SP4: variants seen among roughly 807,000 people sequenced by gnomAD.
SP4 encodes Sp4 transcription factor.
SP4 carries 19 observed loss-of-function variants against 72.8 expected under a neutral mutation model. The observed-to-expected ratio is 0.26, with a 90% CI of 0.18 to 0.38. The LOEUF is 0.38. Ranked by LOEUF, SP4 falls within the 10% of genes least tolerant of loss-of-function variation. SP4 has a pLI of 1.00. For synonymous variants in SP4, 395 were observed against 333.1 expected (o/e 1.19, Z -2.02); for missense variants, 1,008 against 926.3 (o/e 1.09, Z -1.14).
At chr7:21,489,212 T>G (rs1289821463) in intron 5 of SP4, among the ~76,000 whole-genome samples, 2 of 152,214 alleles carry the variant, frequency 1.3e-5, no homozygotes, top group Non-Finnish European at 2.9e-5. Flanking sequence ...TGAAACAGAT[T>G]CTGTAAAATT....
chr7:21,509,238 T>C (rs1782084423), intron 5 of SP4, among the ~76,000 whole-genome samples: 1 of 152,122 alleles, frequency 6.6e-6, no homozygotes, highest in Non-Finnish European at 1.5e-5. Flanking sequence ...AAGAAATAAA[T>C]TTTTATTCCT....
intron 3 of SP4, among the ~76,000 whole-genome samples, chr7:21,431,718 TG>T (rs1782861372): frequency 6.6e-6 from 1 of 152,248 alleles, no homozygotes; most frequent in African/African-American, 2.4e-5. Context: ...TAATAACTTT[TG>T]TTTTCTAGTA....
intron 3 of SP4, among the ~76,000 whole-genome samples, chr7:21,447,351 C>T (rs911152961): frequency 3.3e-5 from 5 of 152,196 alleles, no homozygotes; most frequent in African/African-American, 1.2e-4. Context: ...ACCATCCTAA[C>T]CTACCTAACC....
chr7:21,448,587 A>G (rs1169637992), intron 3 of SP4, among the ~76,000 whole-genome samples: 1 of 152,190 alleles, frequency 6.6e-6, no homozygotes, highest in East Asian at 1.9e-4. Flanking sequence ...AGCTTTCACA[A>G]GCCTCAGTAA....
intron 5 of SP4, among the ~76,000 whole-genome samples, chr7:21,488,348 T>G (rs891331711): frequency 2.0e-5 from 3 of 152,166 alleles, no homozygotes; most frequent in African/African-American, 4.8e-5. Context: ...TTAATTTTGT[T>G]TTATGTTCCA....
intron 4 of SP4, among the ~76,000 whole-genome samples, chr7:21,477,912 C>G (rs765952853): frequency 1.3e-5 from 2 of 152,152 alleles, no homozygotes; most frequent in Non-Finnish European, 2.9e-5. Flanking sequence ...CCATACAGTT[C>G]ACGAATTTAA....
At chr7:21,508,160 G>A (rs1782052636) in intron 5 of SP4, among the ~76,000 whole-genome samples, 1 of 152,048 alleles carries the variant, frequency 6.6e-6, no homozygotes, top group Non-Finnish European at 1.5e-5. Context: ...CACCCAAATC[G>A]GGTGGGACAC....
chr7:21,491,015 A>G (rs1358608598), intron 5 of SP4, among the ~76,000 whole-genome samples: 2 of 152,214 alleles, frequency 1.3e-5, no homozygotes, highest in East Asian at 3.9e-4. Flanking sequence ...ATACAGTCCA[A>G]AATTACTCAA....
chr7:21,490,267 A>T (rs774972949), intron 5 of SP4, among the ~76,000 whole-genome samples: 9 of 152,222 alleles, frequency 5.9e-5, no homozygotes, highest in Non-Finnish European at 5.9e-5. Context: ...GGCACTGCAT[A>T]GCAGGTGCAG....
intron 5 of SP4, among the ~76,000 whole-genome samples, chr7:21,497,954 T>G (rs1781764895): frequency 6.6e-6 from 1 of 152,226 alleles, no homozygotes; most frequent in South Asian, 2.1e-4. Context: ...TTAGTCGTCT[T>G]TGTCAGTTTT....
At chr7:21,442,391 T>C (rs1007515509) in intron 3 of SP4, among the ~76,000 whole-genome samples, 2 of 152,204 alleles carry the variant, frequency 1.3e-5, no homozygotes, top group African/African-American at 4.8e-5. Flanking sequence ...AGGCATGTCA[T>C]AGTTTAATTA....
At chr7:21,454,575 C>T (rs1456632977) in intron 3 of SP4, among the ~76,000 whole-genome samples, 1 of 152,230 alleles carries the variant, frequency 6.6e-6, no homozygotes, top group Non-Finnish European at 1.5e-5. Flanking sequence ...CATTTTCCTT[C>T]TATTAGGAAG....
intron 3 of SP4, among the ~76,000 whole-genome samples, chr7:21,458,759 G>A (rs1039658324): frequency 9.2e-5 from 14 of 152,060 alleles, no homozygotes; most frequent in Admixed American, 2.6e-4. Flanking sequence ...ATGCAAGATG[G>A]TTCTTAGGTG....
intron 3 of SP4, 85 bp from the exon 4 acceptor site, chr7:21,476,994 T>G: frequency 1.0e-6 from 1 of 989,042 alleles, no homozygotes; most frequent in Non-Finnish European, 1.5e-6. Flanking sequence ...TAGAAAAAAT[T>G]TATTATGCAC....
At chr7:21,458,208 G>A (rs6953601) in intron 3 of SP4, among the ~76,000 whole-genome samples, 3,293 of 151,914 alleles carry the variant, frequency 0.022, 124 homozygotes, top group African/African-American at 0.074. Flanking sequence ...GGGGGGTGGG[G>A]TGGGGATGGA....
At chr7:21,471,149 G>C in intron 3 of SP4, 1 of 534,410 alleles carries the variant, frequency 1.9e-6, no homozygotes. Flanking sequence ...GGAGTGCCAA[G>C]AGATGAAGTT....
chr7:21,448,147 T>G (rs7781732), intron 3 of SP4, among the ~76,000 whole-genome samples: 7 of 152,218 alleles, frequency 4.6e-5, no homozygotes, highest in African/African-American at 1.7e-4. Flanking sequence ...ATCTAAATTT[T>G]TTGAACCACT....
In SP4 at chr7:21,430,587, T is replaced by C; in HGVS notation, c.1422T>C (p.Val474=). Reference sequence around the variant, plus strand: ...AAATCAGTTGGCAAACTGTACAGGTTCAGAATATTCAGAGTCTTTCAAATT... The same window carrying C: ...AAATCAGTTGGCAAACTGTACAGGTCCAGAATATTCAGAGTCTTTCAAATT... ...SGQISWQTVQ[V]QNIQSLSNLQ... Residue 474 remains valine (V), a synonymous_variant, in exon 3 of 6, where the codon GTT becomes GTC. Transcript: ENST00000222584. The C allele has an allele frequency of 6.2e-7, 1 of 1,614,250 alleles. No individual in the cohort carries two copies. Among genetic ancestry groups the C allele is most frequent in the Non-Finnish European group, 8.5e-7 (1 of 1,180,042 alleles).
At chr7:21,462,046 G>A (rs77577519) in intron 3 of SP4, among the ~76,000 whole-genome samples, 4 of 51,866 alleles carry the variant, frequency 7.7e-5, no homozygotes, top group African/African-American at 3.0e-4. Flanking sequence ...TTTTTTTTTT[G>A]AAGACAGGAT....
Sources: allele counts gnomAD v4.1 joint callset (sites outside exome capture counted in the v4.1 genomes callset), GRCh38; gene constraint gnomAD v4.1.1; transcripts MANE v1.5; gene names NCBI Gene and HGNC (gene_info 2026-07-23, HGNC 2026-07-21).